The following DHRSX variants were observed in gnomAD, a reference collection of about 807,000 sequenced individuals.
DHRSX encodes polyprenol dehydrogenase.
In DHRSX, 31 loss-of-function variants were observed where a neutral mutation model predicts 34.0. That is an observed-to-expected ratio of 0.91 (90% CI 0.69 to 1.23). The LOEUF (loss-of-function observed/expected upper bound fraction) is 1.23, where lower values mean the gene tolerates loss of function less well. Among genes scored for constraint, DHRSX ranks in the 50% most tolerant of loss-of-function variants. DHRSX has a pLI of 0.00. For missense variants in DHRSX, 414 were observed against 428.1 expected (o/e 0.97, Z 0.29); for synonymous variants, 201 against 183.8 (o/e 1.09, Z -0.76).
chrX:2,323,908 T>A (rs1412425247), intron 3 of DHRSX, among the ~76,000 whole-genome samples: 3 of 151,756 alleles, frequency 2.0e-5, no homozygotes, highest in Non-Finnish European at 2.9e-5. Flanking sequence ...ATAGTAAAAA[T>A]TAGCTGGGTG....
Position 2,438,781 on chromosome X carries a change from A to G in DHRSX, c.110-13477T>C, listed in dbSNP as rs180824079. Among the ~76,000 whole-genome samples, 91 of 152,154 alleles carry G rather than the reference A, an allele frequency of 6.0e-4. 1 individual carries two copies. The highest frequency in any genetic ancestry group is 2.0e-3 in the African/African-American group (83 of 41,524). ...CAGGTGGAGCTTCATATATTCACAC[A>G]TTACAGAATGTATACACATACATAT... On this transcript the variant is annotated intron_variant, in intron 1 of 6. Coordinates refer to ENST00000334651, the MANE Select transcript of DHRSX (RefSeq NM_145177.3).
chrX:2,473,051 A>G (rs1197605100), intron 1 of DHRSX, among the ~76,000 whole-genome samples: 1 of 152,052 alleles, frequency 6.6e-6, no homozygotes, highest in Non-Finnish European at 1.5e-5. Flanking sequence ...GCAAAGCTCC[A>G]TGGCACCTAG....
chrX:2,429,638 T>C (rs1185794073), intron 1 of DHRSX, among the ~76,000 whole-genome samples: 1 of 147,828 alleles, frequency 6.8e-6, no homozygotes, highest in Non-Finnish European at 1.5e-5. Flanking sequence ...TTTTTTTTTG[T>C]AAAGATGGGG....
chrX:2,419,883 A>G (rs906513824), intron 2 of DHRSX, among the ~76,000 whole-genome samples: 18 of 151,692 alleles, frequency 1.2e-4, no homozygotes, highest in African/African-American at 3.6e-4. Context: ...ACGAGTTAAT[A>G]GGTGCAGCAC....
rs1184818182 is a variant in DHRSX at position 2,408,502 on chromosome X, C to T, written c.286+243G>A. ...CACATTTGAGTAAGAGTGCAAGCTA[C>T]CAGCACATCTGCATGCCTTTCCTAG... On this transcript the variant is annotated intron_variant, in intron 3 of 6. Coordinates refer to ENST00000334651, the MANE Select transcript of DHRSX (RefSeq NM_145177.3). Among the ~76,000 whole-genome samples the T allele has an allele frequency of 4.6e-5, 7 of 152,238 alleles. No homozygotes were observed. In the East Asian group the frequency reaches 1.4e-3, roughly 29 times the overall value.
chrX:2,481,860 A>C (rs2044777488), intron 1 of DHRSX, among the ~76,000 whole-genome samples: 1 of 152,118 alleles, frequency 6.6e-6, no homozygotes. Context: ...GAGTACATGC[A>C]AACTGCACTG....
intron 3 of DHRSX, among the ~76,000 whole-genome samples, chrX:2,394,435 C>T (rs757515965): frequency 2.8e-4 from 43 of 152,260 alleles, no homozygotes; most frequent in African/African-American, 9.6e-4. Context: ...TCAGAGCTAT[C>T]GGTGAGGATA....
At chrX:2,368,883 A>G (rs1435678933) in intron 3 of DHRSX, among the ~76,000 whole-genome samples, 1 of 152,144 alleles carries the variant, frequency 6.6e-6, no homozygotes, top group Non-Finnish European at 1.5e-5. Flanking sequence ...TGGAGCTTGC[A>G]GTGAGCCGAG....
intron 2 of DHRSX, among the ~76,000 whole-genome samples, chrX:2,410,165 T>C (rs1367288915): frequency 6.6e-6 from 1 of 152,176 alleles, no homozygotes; most frequent in Non-Finnish European, 1.5e-5. Context: ...GGCGGCTCTT[T>C]AGGGGAAAGG....
At chrX:2,360,514 C>T (rs1479602493) in intron 3 of DHRSX, among the ~76,000 whole-genome samples, 12 of 151,948 alleles carry the variant, frequency 7.9e-5, no homozygotes, top group Non-Finnish European at 1.5e-4. Flanking sequence ...ACCCGGGAGG[C>T]GGAGATTGCA....
rs1127915 is a variant in DHRSX at position 2,243,088 on chromosome X, C to T, written c.739G>A (p.Val247Ile). The T allele has an allele frequency of 1.9e-6, 3 of 1,613,482 alleles. No homozygotes were observed. The highest frequency in any genetic ancestry group is 1.1e-5 in the South Asian group (1 of 91,052). ...VVDPGVVNTD[V>I]YKHVFWATRL... ...GTGGCCCAGAACACGTGCTTGTAGA[C>T]GTCCGTGTTGACCACCCCGGGGTCC... Residue 247 changes from valine (V) to isoleucine (I), a missense_variant, in exon 6 of 7, where the codon GTC becomes ATC. Physicochemically the swap from Val to Ile is conservative, Grantham distance 29 (BLOSUM62 3). Coordinates refer to ENST00000334651, the MANE Select transcript of DHRSX (RefSeq NM_145177.3).
At chrX:2,353,169 C>T (rs914592657) in intron 3 of DHRSX, among the ~76,000 whole-genome samples, 17 of 152,062 alleles carry the variant, frequency 1.1e-4, no homozygotes, top group East Asian at 3.9e-4. Context: ...TGCTTGAGCC[C>T]GGAGGCAGAA....
intron 3 of DHRSX, among the ~76,000 whole-genome samples, chrX:2,372,469 A>G (rs2043084062): frequency 6.6e-6 from 1 of 152,142 alleles, no homozygotes; most frequent in Non-Finnish European, 1.5e-5. Context: ...CATAAATTCC[A>G]GGATCCCGTT....
intron 3 of DHRSX, among the ~76,000 whole-genome samples, chrX:2,350,495 C>G (rs1034022251): frequency 3.9e-5 from 6 of 152,092 alleles, no homozygotes; most frequent in African/African-American, 1.2e-4. Flanking sequence ...ACAAATACCG[C>G]ATGATGTCAC....
intron 2 of DHRSX, among the ~76,000 whole-genome samples, chrX:2,420,752 A>G (rs1219751655): frequency 6.6e-6 from 1 of 152,008 alleles, no homozygotes; most frequent in Non-Finnish European, 1.5e-5. Context: ...CAAAGTAAAA[A>G]AAAAAAGAAT....
chrX:2,367,131 T>C (rs759941957), intron 3 of DHRSX, among the ~76,000 whole-genome samples: 78 of 152,134 alleles, frequency 5.1e-4, no homozygotes, highest in African/African-American at 1.8e-3. Flanking sequence ...ACAGCACACA[T>C]GGCTTCAGCA....
chrX:2,342,085 C>T (rs1170986708), intron 3 of DHRSX, among the ~76,000 whole-genome samples: 2 of 152,086 alleles, frequency 1.3e-5, no homozygotes, highest in East Asian at 1.9e-4. Flanking sequence ...GGATTACAGG[C>T]GTGAGCCACC....
chrX:2,410,059 C>T (rs2043606604), intron 2 of DHRSX, among the ~76,000 whole-genome samples: 2 of 152,210 alleles, frequency 1.3e-5, no homozygotes, highest in Admixed American at 1.3e-4. Flanking sequence ...AGGAAGTGAA[C>T]ATGCGTTGAA....
At chrX:2,346,691 A>G (rs1360260536) in intron 3 of DHRSX, among the ~76,000 whole-genome samples, 2 of 151,312 alleles carry the variant, frequency 1.3e-5, no homozygotes, top group East Asian at 1.9e-4. Flanking sequence ...CCTGGGGTAC[A>G]TGTGCAGAAC....
Sources: allele counts gnomAD v4.1 joint callset (sites outside exome capture counted in the v4.1 genomes callset), GRCh38; gene constraint gnomAD v4.1.1; transcripts MANE v1.5; gene names NCBI Gene and HGNC (gene_info 2026-07-23, HGNC 2026-07-21).